The following GPRC5A variants were observed in gnomAD, a reference collection of about 807,000 sequenced individuals.
The protein encoded by GPRC5A is G protein-coupled receptor class C group 5 member A, also known as retinoic acid-induced protein 3.
A neutral mutation model predicts 22.5 loss-of-function variants in GPRC5A; 19 were observed. The observed-to-expected ratio is 0.85, with a 90% CI of 0.59 to 1.24. GPRC5A has a LOEUF of 1.24. Among genes scored for constraint, GPRC5A ranks in the 50% most tolerant of loss-of-function variants. GPRC5A has a pLI of 0.00. For synonymous variants in GPRC5A, 192 were observed against 184.5 expected (o/e 1.04, Z -0.33); for missense variants, 471 against 451.1 (o/e 1.04, Z -0.40).
intron 1 of GPRC5A, among the ~76,000 whole-genome samples, chr12:12,907,827 A>G (rs543556025): frequency 6.6e-6 from 1 of 152,212 alleles, no homozygotes; most frequent in South Asian, 2.1e-4. Context: ...GAGTCTTGCT[A>G]TGTTGCCCTG....
chr12:12,905,157 T>C (rs1422008754), intron 1 of GPRC5A, among the ~76,000 whole-genome samples: 1 of 152,202 alleles, frequency 6.6e-6, no homozygotes, highest in East Asian at 1.9e-4. Context: ...AGTGCTGGAA[T>C]GGCATAAGCC....
At position 12,904,887 on chromosome 12, in the gene GPRC5A, T is replaced by G. The variant is rs926952119; in HGVS notation, c.-7-3356T>G. ...TAGTGGAAAAGAAAATTTTGTGGTT[T>G]TTTTTTTTTTTTTTTTGAGATGGAA... On this transcript the variant is annotated intron_variant, in intron 1 of 3. Transcript: ENST00000014914. Among the ~76,000 whole-genome samples the G allele has an allele frequency of 1.7e-3, 79 of 46,592 alleles. No homozygotes were observed. The East Asian group carries it at 0.19, about 113-fold the overall frequency. 30.6% of individuals were successfully genotyped at this position (46,592 alleles called of 152,430 possible).
rs137918634 is a variant in GPRC5A at position 12,908,984 on chromosome 12, C to T, written c.735C>T (p.Leu245=). The T allele has an allele frequency of 6.2e-7, 1 of 1,614,184 alleles. No individual in the cohort carries two copies. The highest frequency in any genetic ancestry group is 1.3e-5 in the African/African-American group (1 of 75,070). ...DFDRRWDDTI[L]SSALAANGWV... Reference sequence around the variant, plus strand: ...ACCGCAGGTGGGATGACACCATCCTCAGCTCCGCCTTGGCTGCCAATGGCT... The same window carrying T: ...ACCGCAGGTGGGATGACACCATCCTTAGCTCCGCCTTGGCTGCCAATGGCT... Residue 245 remains leucine (L), a synonymous_variant, in exon 2 of 4, where the codon CTC becomes CTT. Coordinates refer to ENST00000014914, the MANE Select transcript of GPRC5A (RefSeq NM_003979.4).
intron 1 of GPRC5A, among the ~76,000 whole-genome samples, chr12:12,905,443 TG>T (rs1374590467): frequency 6.6e-6 from 1 of 151,864 alleles, no homozygotes; most frequent in Non-Finnish European, 1.5e-5. Context: ...ACAATCTCAT[TG>T]GGAAACAAAA....
intron 1 of GPRC5A, among the ~76,000 whole-genome samples, chr12:12,907,970 G>C (rs1414522616): frequency 6.6e-6 from 1 of 152,184 alleles, no homozygotes; most frequent in African/African-American, 2.4e-5. Flanking sequence ...CCTCTTCAGA[G>C]TGTTAGGTTC....
chr12:12,893,356 G>A (rs745343231), intron 1 of GPRC5A, among the ~76,000 whole-genome samples: 4 of 152,186 alleles, frequency 2.6e-5, no homozygotes, highest in Non-Finnish European at 5.9e-5. Context: ...TTTTGACGGC[G>A]TGATTTTATT....
At chr12:12,893,855 G>A (rs1863792230) in intron 1 of GPRC5A, among the ~76,000 whole-genome samples, 2 of 152,182 alleles carry the variant, frequency 1.3e-5, no homozygotes, top group Non-Finnish European at 2.9e-5. Flanking sequence ...CCGGTTTCAA[G>A]GTTTCAAGCC....
At chr12:12,898,084 A>G (rs780178818) in intron 1 of GPRC5A, among the ~76,000 whole-genome samples, 2 of 152,172 alleles carry the variant, frequency 1.3e-5, no homozygotes, top group Non-Finnish European at 2.9e-5. Context: ...GCACCAACCC[A>G]TATGCCCACG....
chr12:12,897,605 G>A (rs1435082334), intron 1 of GPRC5A, among the ~76,000 whole-genome samples: 1 of 149,608 alleles, frequency 6.7e-6, no homozygotes, highest in East Asian at 1.9e-4. Context: ...GAGCGAATAC[G>A]CTTCTTTTTT....
intron 1 of GPRC5A, among the ~76,000 whole-genome samples, chr12:12,901,982 C>T (rs775155337): frequency 1.3e-5 from 2 of 152,216 alleles, no homozygotes; most frequent in African/African-American, 2.4e-5. Flanking sequence ...GGCTGTTTCT[C>T]TAGCTCCAGA....
chr12:12,897,792 A>G (rs1863838559), intron 1 of GPRC5A, among the ~76,000 whole-genome samples: 1 of 151,882 alleles, frequency 6.6e-6, no homozygotes, highest in African/African-American at 2.4e-5. Context: ...TATTTGTAGT[A>G]GAGATGGAGT....
At position 12,915,605 on chromosome 12, in the gene GPRC5A, CCTT is replaced by C. The variant is rs1466814951; in HGVS notation, c.*3071_*3073del. 1.0e-5 allele frequency: 2 copies of C among 191,090 alleles called. No homozygotes were observed. The highest frequency in any genetic ancestry group is 4.7e-5 in the African/African-American group (2 of 42,322). The allele number at this position is 191,090 out of a possible 1,614,324, so 11.8% of individuals were successfully genotyped here. A position where few individuals can be genotyped will look rare whatever the true frequency, so the allele number is the denominator to read the frequency against. On this transcript the variant is annotated 3_prime_UTR_variant, in exon 4 of 4. Coordinates refer to ENST00000014914, the MANE Select transcript of GPRC5A (RefSeq NM_003979.4). ...GCATCATCTCTGGACTGTTGTTTCT[CCTT>C]CTTCCTTCTCCTCCTTCTCCTCCTC...
Position 12,908,572 on chromosome 12 carries a change from G to T in GPRC5A, c.323G>T (p.Cys108Phe). 1 of 1,614,118 alleles carries T rather than the reference G, an allele frequency of 6.2e-7. No homozygotes were observed. The highest frequency in any genetic ancestry group is 8.5e-7 in the Non-Finnish European group (1 of 1,180,034). ...FFLFGILFSI[C>F]FSCLLAHAVS... ...CTCTTTGGGATCCTCTTTTCCATCT[G>T]CTTCTCCTGCCTGCTGGCTCATGCT... The change falls in exon 2 of 4, where the codon TGC becomes TTC. Residue 108 changes from cysteine (C) to phenylalanine (F), a missense_variant. Coordinates refer to ENST00000014914, the MANE Select transcript of GPRC5A (RefSeq NM_003979.4).
At chr12:12,892,947 C>A (rs929614692) in intron 1 of GPRC5A, among the ~76,000 whole-genome samples, 4 of 152,036 alleles carry the variant, frequency 2.6e-5, no homozygotes, top group Admixed American at 6.6e-5. Context: ...GTTTGCATGC[C>A]GGTGTCTGCT....
rs200040454 is a variant in GPRC5A, at chr12:12,912,571, G to A, written c.*32G>A. On this transcript the variant is annotated 3_prime_UTR_variant, in exon 4 of 4. Coordinates refer to ENST00000014914, the MANE Select transcript of GPRC5A (RefSeq NM_003979.4). ...CCTGAAGAGTGGGACAAATGCAGCC[G>A]GGCGGCAGATCTAGCGGGAGCTCAA... is the stretch of plus-strand genomic sequence containing the variant. 12 of 1,318,298 alleles carry A rather than the reference G, an allele frequency of 9.1e-6. No homozygotes were observed. Among genetic ancestry groups the A allele is most frequent in the East Asian group, 6.9e-5 (3 of 43,584 alleles). The allele number at this position is 1,318,298 out of a possible 1,614,324, so 81.7% of individuals were successfully genotyped here.
intron 1 of GPRC5A, among the ~76,000 whole-genome samples, chr12:12,897,609 CTT>C (rs35808659): frequency 9.0e-5 from 12 of 134,042 alleles, no homozygotes; most frequent in African/African-American, 8.2e-5. Flanking sequence ...GAATACGCTT[CTT>C]TTTTTTTTTT....
At chr12:12,903,231 A>T (rs1037586822) in intron 1 of GPRC5A, among the ~76,000 whole-genome samples, 1 of 152,208 alleles carries the variant, frequency 6.6e-6, no homozygotes, top group Non-Finnish European at 1.5e-5. Context: ...TGCTGGATAC[A>T]TGGGACTCCA....
chr12:12,901,320 G>A (rs1421544471), intron 1 of GPRC5A, among the ~76,000 whole-genome samples: 4 of 152,104 alleles, frequency 2.6e-5, no homozygotes, highest in Admixed American at 6.5e-5. Flanking sequence ...AGATAGGAGC[G>A]GGGTTCAGAC....
intron 1 of GPRC5A, among the ~76,000 whole-genome samples, chr12:12,895,679 G>A (rs1365797308): frequency 6.6e-6 from 1 of 151,670 alleles, no homozygotes; most frequent in South Asian, 2.1e-4. Context: ...AGAGCCTTAA[G>A]ATAGTATACT....
Sources: gnomAD v4.1 joint callset for allele counts (sites outside exome capture counted in the v4.1 genomes callset) on GRCh38, gnomAD v4.1.1 for gene constraint, MANE v1.5 for transcripts, NCBI Gene and HGNC (gene_info 2026-07-23, HGNC 2026-07-21) for gene names.